Variants in CAMK1D observed in about 807,000 individuals in gnomAD.
CAMK1D encodes the protein calcium/calmodulin-dependent protein kinase type 1D.
CAMK1D carries 9 observed loss-of-function variants against 47.7 expected under a neutral mutation model. That is an observed-to-expected ratio of 0.19 (90% confidence interval 0.11 to 0.33). The LOEUF (loss-of-function observed/expected upper bound fraction) is 0.33. Ranked by LOEUF, CAMK1D falls within the 10% of genes least tolerant of loss-of-function variation. CAMK1D has a pLI of 1.00. For missense variants in CAMK1D, 291 were observed against 488.7 expected (o/e 0.60, Z 3.81); for synonymous variants, 184 against 184.9 (o/e 0.99, Z 0.04).
intron 2 of CAMK1D, among the ~76,000 whole-genome samples, chr10:12,663,849 C>T (rs1014486982): frequency 1.1e-4 from 16 of 152,062 alleles, no homozygotes; most frequent in African/African-American, 3.6e-4. Context: ...TAAAACTTTA[C>T]GTTCAGATTT....
At chr10:12,362,126 G>T (rs1218129304) in intron 1 of CAMK1D, among the ~76,000 whole-genome samples, 1 of 152,178 alleles carries the variant, frequency 6.6e-6, no homozygotes, top group Non-Finnish European at 1.5e-5. Context: ...CCATTTTGAA[G>T]TGTGCAGTTC....
chr10:12,513,796 G>A (rs1200970143), intron 1 of CAMK1D, among the ~76,000 whole-genome samples: 2 of 152,118 alleles, frequency 1.3e-5, no homozygotes, highest in African/African-American at 4.8e-5. Flanking sequence ...GGGAGCCCCT[G>A]TCTAAAACAA....
intron 3 of CAMK1D, among the ~76,000 whole-genome samples, chr10:12,680,090 TCAA>T (rs1463354661): frequency 3.3e-5 from 5 of 152,210 alleles, no homozygotes; most frequent in African/African-American, 1.2e-4. Flanking sequence ...ATTCATTCAC[TCAA>T]CAAGTATTTA....
intron 2 of CAMK1D, among the ~76,000 whole-genome samples, chr10:12,658,270 G>C (rs982632894): frequency 6.6e-6 from 1 of 152,150 alleles, no homozygotes; most frequent in African/African-American, 2.4e-5. Flanking sequence ...GAGTATTTTC[G>C]TAAGAAGACA....
At chr10:12,706,947 G>A (rs959509160) in intron 3 of CAMK1D, among the ~76,000 whole-genome samples, 1 of 152,162 alleles carries the variant, frequency 6.6e-6, no homozygotes, top group Non-Finnish European at 1.5e-5. Flanking sequence ...AGAATAGAGG[G>A]AGATACATAT....
intron 2 of CAMK1D, among the ~76,000 whole-genome samples, chr10:12,584,071 A>G (rs1837743534): frequency 6.6e-6 from 1 of 152,128 alleles, no homozygotes; most frequent in African/African-American, 2.4e-5. Flanking sequence ...TTATCTTTGC[A>G]TGCTTAGAGA....
intron 1 of CAMK1D, among the ~76,000 whole-genome samples, chr10:12,382,694 G>A (rs528810458): frequency 1.3e-5 from 2 of 152,070 alleles, no homozygotes; most frequent in East Asian, 1.9e-4. Flanking sequence ...GCGTGGTGGC[G>A]GACCTCTGTA....
At chr10:12,701,199 G>A (rs894368764) in intron 3 of CAMK1D, among the ~76,000 whole-genome samples, 2 of 150,704 alleles carry the variant, frequency 1.3e-5, no homozygotes, top group African/African-American at 2.4e-5. Flanking sequence ...TGCAACCTCC[G>A]CCTCCGGGGT....
intron 2 of CAMK1D, among the ~76,000 whole-genome samples, chr10:12,637,922 G>A (rs1045875657): frequency 6.6e-6 from 1 of 152,174 alleles, no homozygotes; most frequent in African/African-American, 2.4e-5. Flanking sequence ...AGCAGAGGCA[G>A]GCCACCGATG....
intron 3 of CAMK1D, among the ~76,000 whole-genome samples, chr10:12,670,104 C>A (rs1840563915): frequency 6.9e-6 from 1 of 145,606 alleles, no homozygotes; most frequent in African/African-American, 2.5e-5. Flanking sequence ...TGACAGTTTT[C>A]CAAAGTGGTT....
chr10:12,676,015 C>T (rs567980842), intron 3 of CAMK1D, among the ~76,000 whole-genome samples: 4 of 152,296 alleles, frequency 2.6e-5, no homozygotes, highest in African/African-American at 9.6e-5. Flanking sequence ...TGCAATGGCG[C>T]GATCTCGGCT....
chr10:12,500,640 C>A (rs142494576), intron 1 of CAMK1D, among the ~76,000 whole-genome samples: 3 of 152,168 alleles, frequency 2.0e-5, no homozygotes, highest in Non-Finnish European at 4.4e-5. Context: ...TGACCTTGGA[C>A]GAGTTGCTGA....
intron 1 of CAMK1D, among the ~76,000 whole-genome samples, chr10:12,545,453 T>TAAA (rs59666684): frequency 3.8e-5 from 2 of 52,270 alleles, no homozygotes; most frequent in African/African-American, 8.4e-5. Flanking sequence ...CATCTCACAG[T>TAAA]AAAAAAAAAA....
chr10:12,491,565 A>G lies in CAMK1D; in HGVS notation c.93-61660A>G, dbSNP rs140759649. Among the ~76,000 whole-genome samples, 1,229 of 152,264 alleles carry G rather than the reference A, an allele frequency of 8.1e-3. 9 individuals are homozygous for G. The highest frequency in any genetic ancestry group is 0.014 in the Middle Eastern group (4 of 294). ...ATAGAAGATCCTGTAAGTCAGCCCTAGGTGTCCTGTTGAGCTGCAGGCAGT... is the reference window on the plus strand; with the variant it reads ...ATAGAAGATCCTGTAAGTCAGCCCTGGGTGTCCTGTTGAGCTGCAGGCAGT... On this transcript the variant is annotated intron_variant, in intron 1 of 10. Coordinates refer to ENST00000619168, the MANE Select transcript of CAMK1D (RefSeq NM_153498.4).
intron 2 of CAMK1D, among the ~76,000 whole-genome samples, chr10:12,563,906 A>C (rs1289856253): frequency 6.6e-6 from 1 of 152,162 alleles, no homozygotes; most frequent in African/African-American, 2.4e-5. Context: ...TCTGTCATCT[A>C]ATGTGGATAT....
chr10:12,685,162 G>T lies in CAMK1D; in HGVS notation c.299+18352G>T, dbSNP rs187045726. Among the ~76,000 whole-genome samples, 777 of 152,290 alleles carry T rather than the reference G, an allele frequency of 5.1e-3. 5 individuals carry two copies. The highest frequency in any genetic ancestry group is 0.037 in the Middle Eastern group (11 of 294). On this transcript the variant is annotated intron_variant, in intron 3 of 10. Transcript: ENST00000619168. ...CTAAAAATACGAAAATTAGCCAGGC[G>T]TGGTGGTGCATGCCTGTAGTCCCAG...
At chr10:12,708,338 T>TGGGA (rs59364282) in intron 3 of CAMK1D, among the ~76,000 whole-genome samples, 12,353 of 151,706 alleles carry the variant, frequency 0.081, 657 homozygotes, top group East Asian at 0.15. Flanking sequence ...TGGGTGGTGA[T>TGGGA]GGGAGGGAGG....
intron 1 of CAMK1D, among the ~76,000 whole-genome samples, chr10:12,416,651 C>T (rs550981806): frequency 6.0e-4 from 91 of 152,158 alleles, no homozygotes; most frequent in South Asian, 1.2e-3. Flanking sequence ...GCTGTAAGGC[C>T]GGGGTCTTGC....
At position 12,520,070 on chromosome 10, in the gene CAMK1D, A is replaced by AC. The variant is rs1262404782; in HGVS notation, c.93-33146dup. ...GGGCGGCTGGCCGGGTGGGGGGCTG[A>AC]CCCCCCCCCACCTCCCTCCCGGACG... On this transcript the variant is annotated intron_variant, in intron 1 of 10. Coordinates refer to ENST00000619168, the MANE Select transcript of CAMK1D (RefSeq NM_153498.4). Among the ~76,000 whole-genome samples the AC allele has an allele frequency of 2.6e-3, 104 of 40,474 alleles. 10 individuals are homozygous for AC. Among genetic ancestry groups the AC allele is most frequent in the Admixed American group, 6.5e-3 (28 of 4,286 alleles). 26.6% of individuals were successfully genotyped at this position (40,474 alleles called of 152,430 possible). A position where few individuals can be genotyped will look rare whatever the true frequency, so the allele number is the denominator to read the frequency against.
Sources: gnomAD v4.1 joint callset for allele counts (sites outside exome capture counted in the v4.1 genomes callset) on GRCh38, gnomAD v4.1.1 for gene constraint, MANE v1.5 for transcripts, NCBI Gene and HGNC (gene_info 2026-07-23, HGNC 2026-07-21) for gene names.